PFKFB1: variants seen among roughly 807,000 people sequenced by gnomAD.
The protein encoded by PFKFB1 is 6-phosphofructo-2-kinase/fructose-2,6-bisphosphatase 1.
PFKFB1 carries 34 observed loss-of-function variants against 46.4 expected under a neutral mutation model. The ratio of observed to expected loss-of-function variants is 0.73; its 90% confidence interval spans 0.56 to 0.98. The LOEUF (loss-of-function observed/expected upper bound fraction) is 0.98. PFKFB1 is among the 50% of genes least tolerant of loss of function. The pLI, the probability that PFKFB1 is intolerant of heterozygous loss-of-function variation, is 0.00. For missense variants in PFKFB1, 393 were observed against 376.3 expected, an observed-to-expected ratio of 1.04 and a Z score of -0.37; for synonymous variants, 119 against 133.8, an observed-to-expected ratio of 0.89 and a Z score of 0.76.
At chrX:54,951,883 G>A (rs1371573788) in intron 8 of PFKFB1, 22 bp downstream of exon 8, 1 of 1,163,396 alleles carries the variant, frequency 8.6e-7, no homozygotes, top group Non-Finnish European at 1.2e-6. Flanking sequence ...CAACCCATCT[G>A]GGTGTGTGTG....
intron 10 of PFKFB1, 46 bp from the exon 11 acceptor site, chrX:54,937,770 A>G (rs1271500348): frequency 8.8e-7 from 1 of 1,138,769 alleles, no homozygotes; most frequent in East Asian, 3.0e-5. Context: ...GATGAGGCAC[A>G]TTTGCCCAGA....
In PFKFB1 at chrX:54,949,455, AGC is replaced by A. The variant is rs1268803118; in HGVS notation, c.847-236_847-235del. Among the ~76,000 whole-genome samples, 4 of 98,374 alleles carry A rather than the reference AGC, an allele frequency of 4.1e-5. No individual in the cohort carries two copies. The Admixed American group carries it at 4.3e-4, about 11-fold the overall frequency. 85.4% of individuals were successfully genotyped at this position (98,374 alleles called of 115,157 possible). ...GAGAGAGAGAGAGAGAGAGAGAGAG[AGC>A]GCTTATTTGACGATTGCTCACCGAA... On this transcript the variant is annotated intron_variant, in intron 8 of 13. Coordinates refer to ENST00000375006, the MANE Select transcript of PFKFB1 (RefSeq NM_002625.4).
At chrX:54,992,933 A>G (rs918076380) in intron 1 of PFKFB1, among the ~76,000 whole-genome samples, 2 of 111,248 alleles carry the variant, frequency 1.8e-5, no homozygotes, top group African/African-American at 3.3e-5. Context: ...TACCTCCTGT[A>G]TATTATAACT....
At chrX:54,939,106 G>A (rs6612244) in intron 10 of PFKFB1, among the ~76,000 whole-genome samples, 8,029 of 111,485 alleles carry the variant, frequency 0.072, 707 homozygotes, top group African/African-American at 0.25. Flanking sequence ...AAACCGCTCA[G>A]CTACATGGAA....
In PFKFB1 at chrX:54,949,236, T is replaced by G. The variant is rs1270470364; in HGVS notation, c.847-15A>C. ...GCATAGGCATACTAGGATGTGGGGATGCAGAGGAGGAGAGAAGGGGAAAAG... is the reference window on the plus strand; with the variant it reads ...GCATAGGCATACTAGGATGTGGGGAGGCAGAGGAGGAGAGAAGGGGAAAAG... On this transcript the variant is annotated splice_polypyrimidine_tract_variant and intron_variant, in intron 8 of 13. Transcript: ENST00000375006. The G allele has an allele frequency of 3.4e-6, 4 of 1,178,570 alleles. No homozygotes were observed. The East Asian group carries it at 1.2e-4, about 36-fold the overall frequency.
chrX:54,952,022 G>A lies in PFKFB1; in HGVS notation c.729C>T (p.Tyr243=), dbSNP rs1933994544. The change falls in exon 8 of 14, where the codon TAC becomes TAT. Residue 243 remains tyrosine (Y), a synonymous_variant. Transcript: ENST00000375006. Reference sequence around the variant, plus strand: ...GAGGTGTGACATGGATATTCATGAGGTAGTAGACTGTGCGGCTCTGGATGT... The same window carrying A: ...GAGGTGTGACATGGATATTCATGAGATAGTAGACTGTGCGGCTCTGGATGT... ...QDHIQSRTVY[Y]LMNIHVTPRS... is the part of the protein sequence containing the mutation. The A allele has an allele frequency of 8.3e-7, 1 of 1,210,221 alleles. No individual in the cohort carries two copies. The highest frequency in any genetic ancestry group is 3.0e-5 in the East Asian group (1 of 33,816).
At chrX:54,953,555 C>T (rs1224911780) in intron 7 of PFKFB1, among the ~76,000 whole-genome samples, 1 of 111,902 alleles carries the variant, frequency 8.9e-6, no homozygotes. Context: ...TCCAAGGCCA[C>T]CTTCTCGGGA....
intron 6 of PFKFB1, among the ~76,000 whole-genome samples, chrX:54,957,114 C>T (rs753688551): frequency 3.0e-4 from 33 of 111,744 alleles, no homozygotes; most frequent in Middle Eastern, 9.2e-3. Flanking sequence ...ATTTCTTCAT[C>T]CTTATCTCCC....
intron 10 of PFKFB1, among the ~76,000 whole-genome samples, chrX:54,943,628 G>A (rs371102404): frequency 1.8e-4 from 20 of 110,723 alleles, no homozygotes; most frequent in African/African-American, 3.9e-4. Context: ...GCAGGTGCCC[G>A]TAGTCCCAGC....
At chrX:54,985,385 T>C (rs1189381104) in intron 1 of PFKFB1, among the ~76,000 whole-genome samples, 2 of 111,545 alleles carry the variant, frequency 1.8e-5, no homozygotes, top group East Asian at 5.7e-4. Context: ...TAGAGTGTAA[T>C]ACCCCCATGT....
chrX:54,933,314 C>T lies in PFKFB1; in HGVS notation c.*89G>A. On this transcript the variant is annotated 3_prime_UTR_variant, in exon 14 of 14. Transcript: ENST00000375006. ...CTGGAAGTGGGGTGCCTCAGTGAGG[C>T]CAAGGCAGAGTAGGAGAAGAGCAAA... 1 of 826,935 alleles carries T rather than the reference C, an allele frequency of 1.2e-6. No homozygotes were observed. Among genetic ancestry groups the T allele is most frequent in the Non-Finnish European group, 1.8e-6 (1 of 552,993 alleles). The allele number at this position is 826,935 out of a possible 1,213,427, so 68.1% of individuals were successfully genotyped here. A position where few individuals can be genotyped will look rare whatever the true frequency, so the allele number is the denominator to read the frequency against.
intron 4 of PFKFB1, among the ~76,000 whole-genome samples, chrX:54,959,389 C>G (rs1180330532): frequency 8.9e-6 from 1 of 112,168 alleles, no homozygotes; most frequent in Non-Finnish European, 1.9e-5. Flanking sequence ...TTGAGAATCT[C>G]CTCCCCTTTT....
intron 1 of PFKFB1, among the ~76,000 whole-genome samples, chrX:54,989,271 T>C (rs1325039039): frequency 8.9e-6 from 1 of 111,783 alleles, no homozygotes; most frequent in Non-Finnish European, 1.9e-5. Flanking sequence ...GGAAAACACA[T>C]ACCAGGCAAA....
intron 1 of PFKFB1, among the ~76,000 whole-genome samples, chrX:54,970,184 T>C (rs143980054): frequency 0.039 from 4,297 of 111,363 alleles, 224 homozygotes; most frequent in African/African-American, 0.13. Flanking sequence ...GCTGGGATTA[T>C]AGGCATGAGC....
chrX:54,954,044 C>T (rs954852491), intron 7 of PFKFB1, among the ~76,000 whole-genome samples: 1 of 111,055 alleles, frequency 9.0e-6, no homozygotes. Context: ...GTAGCTAATG[C>T]CTACCCTCAT....
At chrX:54,976,833 C>G (rs1934851788) in intron 1 of PFKFB1, among the ~76,000 whole-genome samples, 1 of 111,122 alleles carries the variant, frequency 9.0e-6, no homozygotes, top group Non-Finnish European at 1.9e-5. Context: ...GATATTCATA[C>G]AGCTAGGATG....
intron 1 of PFKFB1, among the ~76,000 whole-genome samples, chrX:54,978,713 T>C (rs1364903639): frequency 9.0e-6 from 1 of 111,469 alleles, no homozygotes; most frequent in Admixed American, 9.5e-5. Context: ...TCATCAGCAA[T>C]AAGTCATGTT....
intron 9 of PFKFB1, among the ~76,000 whole-genome samples, 190 bp from the exon 10 acceptor site, chrX:54,945,733 T>C (rs1011065510): frequency 2.8e-5 from 3 of 107,546 alleles, no homozygotes; most frequent in Admixed American, 1.0e-4. Context: ...TGTGTGTGTG[T>C]GTGTGTGTGT....
intron 2 of PFKFB1, among the ~76,000 whole-genome samples, chrX:54,961,527 G>A (rs1015623020): frequency 1.8e-5 from 2 of 112,018 alleles, no homozygotes. Context: ...CAGCCAAAGA[G>A]TTAATATTTC....
Sources: allele counts gnomAD v4.1 joint callset (sites outside exome capture counted in the v4.1 genomes callset), GRCh38; gene constraint gnomAD v4.1.1; transcripts MANE v1.5; gene names NCBI Gene and HGNC (gene_info 2026-07-23, HGNC 2026-07-21).